FMN1: variants seen among roughly 807,000 people sequenced by gnomAD.
The protein encoded by FMN1 is formin 1.
A neutral mutation model predicts 132.4 loss-of-function variants in FMN1; 110 were observed. The observed-to-expected ratio is 0.83, with a 90% CI of 0.71 to 0.97. The LOEUF (loss-of-function observed/expected upper bound fraction) is 0.97, where lower values mean the gene tolerates loss of function less well. FMN1 is among the 50% of genes least tolerant of loss of function. The pLI is 0.00. For missense variants in FMN1, 1,792 were observed against 1,705.3 expected (o/e 1.05, Z -0.90); for synonymous variants, 722 against 651.7 (o/e 1.11, Z -1.64).
chr15:32,894,851 G>GTGTA (rs386382621), intron 15 of FMN1, among the ~76,000 whole-genome samples: 13 of 149,076 alleles, frequency 8.7e-5, no homozygotes, highest in Non-Finnish European at 1.0e-4. Flanking sequence ...AGGTTATTCT[G>GTGTA]TGTATTTATA....
intron 4 of FMN1, among the ~76,000 whole-genome samples, chr15:33,117,276 C>T (rs1440030857): frequency 1.3e-5 from 2 of 152,016 alleles, no homozygotes; most frequent in Non-Finnish European, 1.5e-5. Context: ...GCAATAACAA[C>T]GAAAGTATTT....
intron 6 of FMN1, among the ~76,000 whole-genome samples, chr15:33,043,759 G>C (rs1384681471): frequency 6.6e-6 from 1 of 152,210 alleles, no homozygotes; most frequent in African/African-American, 2.4e-5. Context: ...CAGCCAGTGG[G>C]AGCCAGGAAC....
chr15:33,184,239 T>C (rs1965801737), intron 2 of FMN1, among the ~76,000 whole-genome samples: 1 of 152,300 alleles, frequency 6.6e-6, no homozygotes, highest in Non-Finnish European at 1.5e-5. Context: ...GGAATGATAG[T>C]ATTTGAGATT....
chr15:33,067,921 G>A (rs777746458), intron 5 of FMN1: 2 of 1,569,514 alleles, frequency 1.3e-6, no homozygotes, highest in Non-Finnish European at 1.7e-6. Context: ...TCTGACTTGT[G>A]TTACCTTCTC....
intron 6 of FMN1, 51 bp downstream of exon 6, chr15:33,064,906 C>T (rs1566881791): frequency 7.9e-7 from 1 of 1,258,296 alleles, no homozygotes; most frequent in East Asian, 2.4e-5. Flanking sequence ...GAACTAAAAG[C>T]CATTGCAGGA....
At chr15:33,067,271 T>A in intron 5 of FMN1, 1 of 1,613,644 alleles carries the variant, frequency 6.2e-7, no homozygotes, top group Non-Finnish European at 8.5e-7. Context: ...CCTTTGAGGA[T>A]CTTCTGCACA....
At chr15:32,952,924 A>G (rs187683500) in intron 9 of FMN1, among the ~76,000 whole-genome samples, 24 of 152,306 alleles carry the variant, frequency 1.6e-4, no homozygotes, top group African/African-American at 5.8e-4. Context: ...GTCAACGTAG[A>G]GTCTCACGTC....
intron 7 of FMN1, among the ~76,000 whole-genome samples, chr15:32,970,356 A>T (rs1405411152): frequency 6.6e-6 from 1 of 152,232 alleles, no homozygotes; most frequent in Non-Finnish European, 1.5e-5. Flanking sequence ...TTTAACAGTA[A>T]TTAAATATTT....
intron 10 of FMN1, among the ~76,000 whole-genome samples, chr15:32,917,836 G>T (rs7178325): frequency 2.6e-5 from 4 of 151,978 alleles, no homozygotes; most frequent in African/African-American, 2.4e-5. Context: ...AAAGAAACCA[G>T]GGTCTCTAAA....
intron 9 of FMN1, among the ~76,000 whole-genome samples, chr15:32,934,948 A>G (rs1265988490): frequency 1.3e-5 from 2 of 148,398 alleles, no homozygotes; most frequent in Non-Finnish European, 3.0e-5. Context: ...TTTGAGACAC[A>G]GTCTTGCTCT....
intron 7 of FMN1, among the ~76,000 whole-genome samples, chr15:32,981,954 A>T (rs1472297950): frequency 6.6e-6 from 1 of 152,110 alleles, no homozygotes; most frequent in African/African-American, 2.4e-5. Context: ...TCTAAGCCAC[A>T]CAGGGAAAAA....
chr15:33,105,450 T>C (rs2039448443), intron 4 of FMN1, among the ~76,000 whole-genome samples: 1 of 152,120 alleles, frequency 6.6e-6, no homozygotes, highest in Admixed American at 6.6e-5. Context: ...CATAATATTA[T>C]CTAGATGGAC....
chr15:32,934,136 C>A (rs963258570), intron 9 of FMN1, among the ~76,000 whole-genome samples: 1 of 152,018 alleles, frequency 6.6e-6, no homozygotes, highest in Non-Finnish European at 1.5e-5. Context: ...CTCCTATAGG[C>A]ATTTTCTTTG....
At chr15:33,120,781 G>T (rs907404535) in intron 4 of FMN1, among the ~76,000 whole-genome samples, 4 of 151,802 alleles carry the variant, frequency 2.6e-5, no homozygotes, top group African/African-American at 7.3e-5. Flanking sequence ...TGCACATTTG[G>T]TTTTTTTAAT....
In FMN1 at chr15:32,819,103, G is replaced by A. The variant is rs547186075; in HGVS notation, c.3929-14771C>T. Among the ~76,000 whole-genome samples the A allele has an allele frequency of 3.2e-4, 48 of 152,276 alleles. No individual in the cohort carries two copies. In the South Asian group the frequency reaches 9.3e-3, roughly 30 times the overall value. ...CATGATCTGCGAAGGCAGGCAAGGC[G>A]AGCTGAAGAAGAACCCCACATGTTC... On this transcript the variant is annotated intron_variant, in intron 17 of 20. Coordinates refer to ENST00000616417, the MANE Select transcript of FMN1 (RefSeq NM_001277313.2).
rs894571351 is a variant in FMN1, at chr15:33,194,700, G to A, written c.-471C>T. The A allele has an allele frequency of 2.0e-5, 3 of 152,374 alleles. No individual in the cohort carries two copies. The highest frequency in any genetic ancestry group is 4.4e-5 in the Non-Finnish European group (3 of 68,184). The allele number at this position is 152,374 out of a possible 1,614,324, so 9.4% of individuals were successfully genotyped here. On this transcript the variant is annotated 5_prime_UTR_variant, in exon 1 of 21. Coordinates refer to ENST00000616417, the MANE Select transcript of FMN1 (RefSeq NM_001277313.2). ...GAAGGATGCTGCGCTCCAGTCCAGA[G>A]CCAAAGCCCAAAGGGGCAGCTGCGC...
intron 6 of FMN1, among the ~76,000 whole-genome samples, chr15:33,053,312 T>A (rs2037065390): frequency 6.6e-6 from 1 of 150,922 alleles, no homozygotes; most frequent in Admixed American, 6.6e-5. Context: ...CACCCCTGCC[T>A]GGGCATTGCC....
intron 6 of FMN1, among the ~76,000 whole-genome samples, chr15:33,050,978 C>T (rs1378579182): frequency 1.3e-5 from 2 of 152,092 alleles, no homozygotes; most frequent in East Asian, 3.9e-4. Context: ...TAGTATGACC[C>T]CACTTGTGTG....
In FMN1 at chr15:33,033,183, A is replaced by C. The variant is rs974659567; in HGVS notation, c.2162-25108T>G. 2.6e-5 allele frequency among the ~76,000 whole-genome samples: 4 copies of C among 152,020 alleles called. No individual in the cohort carries two copies. The East Asian group carries it at 7.7e-4, about 29-fold the overall frequency. On this transcript the variant is annotated intron_variant, in intron 6 of 20. Coordinates refer to ENST00000616417, the MANE Select transcript of FMN1 (RefSeq NM_001277313.2). ...GTAGCTGGGACTACAGGTGCCCGCC[A>C]CCACACGCGGCTAATTTTTTGTATT... is the stretch of plus-strand genomic sequence containing the variant.
Sources: gnomAD v4.1 joint callset for allele counts (sites outside exome capture counted in the v4.1 genomes callset) on GRCh38, gnomAD v4.1.1 for gene constraint, MANE v1.5 for transcripts, NCBI Gene and HGNC (gene_info 2026-07-23, HGNC 2026-07-21) for gene names.